TTK: variants seen among roughly 807,000 people sequenced by gnomAD.
The protein encoded by TTK is TTK protein kinase.
TTK carries 59 observed loss-of-function variants against 117.3 expected under a neutral mutation model. The observed-to-expected ratio is 0.50, with a 90% CI of 0.41 to 0.62. The LOEUF is 0.62. TTK is among the 20% of genes least tolerant of loss of function. The pLI is 0.00. For synonymous variants in TTK, 302 were observed against 325.0 expected (o/e 0.93, Z 0.76); for missense variants, 921 against 989.4 (o/e 0.93, Z 0.93).
chr6:80,025,142 C>G (rs889725849), intron 11 of TTK, among the ~76,000 whole-genome samples: 1 of 152,184 alleles, frequency 6.6e-6, no homozygotes, highest in African/African-American at 2.4e-5. Flanking sequence ...ATTCTGACCT[C>G]CAAAATCGCA....
chr6:80,036,454 C>A, intron 16 of TTK, 21 bp from the exon 17 acceptor site: 1 of 1,586,270 alleles, frequency 6.3e-7, no homozygotes. Context: ...TTTAATATTA[C>A]AGTGGATTTT....
At chr6:80,026,264 G>A (rs1233484483) in intron 11 of TTK, 114 bp from the exon 12 acceptor site, 1 of 1,076,140 alleles carries the variant, frequency 9.3e-7, no homozygotes, top group Non-Finnish European at 1.3e-6. Flanking sequence ...CTTTTAGTAT[G>A]CCTTTGTATA....
intron 13 of TTK, among the ~76,000 whole-genome samples, chr6:80,030,049 T>C (rs780632667): frequency 1.3e-5 from 2 of 152,162 alleles, no homozygotes; most frequent in African/African-American, 4.8e-5. Flanking sequence ...GAAATATATA[T>C]AGACAATGTA....
intron 18 of TTK, among the ~76,000 whole-genome samples, chr6:80,039,444 T>TG (rs1767988738): frequency 6.6e-6 from 1 of 151,896 alleles, no homozygotes; most frequent in Non-Finnish European, 1.5e-5. Context: ...TGGGAAGAAT[T>TG]TAATATTTTG....
intron 13 of TTK, among the ~76,000 whole-genome samples, chr6:80,029,058 T>A (rs1198714283): frequency 2.0e-5 from 3 of 152,192 alleles, no homozygotes; most frequent in Non-Finnish European, 4.4e-5. Flanking sequence ...TCAGAAATGT[T>A]AGTAGCAATT....
intron 8 of TTK, among the ~76,000 whole-genome samples, 189 bp from the exon 9 acceptor site, chr6:80,013,090 A>AGCACGT (rs1162097811): frequency 2.6e-5 from 4 of 152,120 alleles, no homozygotes; most frequent in Non-Finnish European, 4.4e-5. Context: ...GTCATTGCCC[A>AGCACGT]GCACGTAATT....
intron 10 of TTK, among the ~76,000 whole-genome samples, chr6:80,021,099 A>G (rs895817106): frequency 6.6e-6 from 1 of 152,228 alleles, no homozygotes. Flanking sequence ...ATTTCCCAGT[A>G]CACTCTGGTT....
At chr6:80,005,233 A>C (rs1562008537) in intron 1 of TTK, among the ~76,000 whole-genome samples, 1 of 152,196 alleles carries the variant, frequency 6.6e-6, no homozygotes, top group Non-Finnish European at 1.5e-5. Flanking sequence ...ACTTTATTGA[A>C]CAAACACCAC....
intron 15 of TTK, 56 bp from the exon 16 acceptor site, chr6:80,035,210 A>G (rs1767863516): frequency 1.3e-6 from 2 of 1,536,498 alleles, no homozygotes; most frequent in Non-Finnish European, 1.7e-6. Flanking sequence ...TATTTAGTAA[A>G]CTTTAATATA....
At position 80,011,938 on chromosome 6, in the gene TTK, A is replaced by G; in HGVS notation, c.854A>G (p.Asp285Gly). Residue 285 changes from aspartate (D) to glycine (G), a missense_variant, in exon 8 of 22, where the codon GAT becomes GGT. Physicochemically the swap from Asp to Gly is moderately conservative, Grantham distance 94. Transcript: ENST00000369798. ...PVNLLNSPDCDVKTDDSVVPC... is the reference protein window; with the variant it reads ...PVNLLNSPDCGVKTDDSVVPC... ...AACCTTCTAAATAGCCCAGATTGTGATGTGAAGACAGATGATTCAGTTGTA... is the reference window on the plus strand; with the variant it reads ...AACCTTCTAAATAGCCCAGATTGTGGTGTGAAGACAGATGATTCAGTTGTA... 1.2e-6 allele frequency: 2 copies of G among 1,612,210 alleles called. No homozygotes were observed. Among genetic ancestry groups the G allele is most frequent in the Non-Finnish European group, 1.7e-6 (2 of 1,179,040 alleles).
At chr6:80,031,812 A>G (rs1487136412) in intron 14 of TTK, among the ~76,000 whole-genome samples, 1 of 152,094 alleles carries the variant, frequency 6.6e-6, no homozygotes, top group Non-Finnish European at 1.5e-5. Context: ...TTCTTTAATA[A>G]CAAAAACATT....
intron 20 of TTK, 46 bp downstream of exon 20, chr6:80,040,326 A>C: frequency 6.9e-7 from 1 of 1,454,726 alleles, no homozygotes; most frequent in Non-Finnish European, 9.4e-7. Flanking sequence ...TGGTAGTATA[A>C]ACAGTCTGTT....
intron 5 of TTK, 37 bp downstream of exon 5, chr6:80,010,994 G>A (rs771755827): frequency 2.6e-6 from 4 of 1,559,652 alleles, no homozygotes; most frequent in Non-Finnish European, 3.5e-6. Flanking sequence ...TCTGTGGTAG[G>A]TAGTACTTCA....
In TTK at chr6:80,007,986, A is replaced by G; in HGVS notation, c.317A>G (p.Asn106Ser). Residue 106 changes from asparagine (N) to serine (S), a missense_variant, in exon 3 of 22, where the codon AAT becomes AGT. By Grantham distance (46) the Asn-to-Ser change is conservative. Transcript: ENST00000369798. ...CTTCCCCCAGATAAATATGGCCAAA[A>G]TGAGAGTTTTGCTAGAATTCAAGTG... ...EALPPDKYGQNESFARIQVRF... is the reference protein window; with the variant it reads ...EALPPDKYGQSESFARIQVRF... 1 of 1,613,576 alleles carries G rather than the reference A, an allele frequency of 6.2e-7. No individual in the cohort carries two copies. Among genetic ancestry groups the G allele is most frequent in the Non-Finnish European group, 8.5e-7 (1 of 1,179,614 alleles).
intron 10 of TTK, 116 bp from the exon 11 acceptor site, chr6:80,022,208 C>T: frequency 1.7e-6 from 2 of 1,152,780 alleles, no homozygotes; most frequent in Non-Finnish European, 2.4e-6. Flanking sequence ...TCTCTCCCTC[C>T]TTGATTGTTT....
intron 10 of TTK, among the ~76,000 whole-genome samples, chr6:80,020,891 A>C (rs532579675): frequency 1.1e-4 from 17 of 152,324 alleles, no homozygotes; most frequent in African/African-American, 4.1e-4. Flanking sequence ...ATACAGGCGG[A>C]TCCAATGCAG....
intron 4 of TTK, among the ~76,000 whole-genome samples, chr6:80,010,392 G>A (rs1217391383): frequency 6.7e-6 from 1 of 150,142 alleles, no homozygotes; most frequent in Non-Finnish European, 1.5e-5. Flanking sequence ...CATTATGAAT[G>A]ATACTTATTA....
intron 5 of TTK, among the ~76,000 whole-genome samples, 199 bp from the exon 6 acceptor site, chr6:80,011,235 G>A (rs1767139570): frequency 6.6e-6 from 1 of 151,368 alleles, no homozygotes; most frequent in Non-Finnish European, 1.5e-5. Context: ...TTTTACCCTG[G>A]GGAAATAGTT....
intron 4 of TTK, among the ~76,000 whole-genome samples, chr6:80,009,453 A>C (rs1171798748): frequency 2.6e-5 from 4 of 152,016 alleles, no homozygotes; most frequent in African/African-American, 9.7e-5. Flanking sequence ...TAGAACTATT[A>C]TCCCTTTCTT....
Sources: gnomAD v4.1 joint callset for allele counts (sites outside exome capture counted in the v4.1 genomes callset) on GRCh38, gnomAD v4.1.1 for gene constraint, MANE v1.5 for transcripts, NCBI Gene and HGNC (gene_info 2026-07-23, HGNC 2026-07-21) for gene names.